Variants in ORAI2 observed in about 807,000 individuals in gnomAD.
ORAI2 encodes protein orai-2.
Under a neutral mutation model 16.2 loss-of-function variants are expected in ORAI2, and 10 were observed. The ratio of observed to expected loss-of-function variants is 0.62; its 90% confidence interval spans 0.38 to 1.04. The LOEUF (loss-of-function observed/expected upper bound fraction) is 1.04, where lower values mean the gene tolerates loss of function less well. ORAI2 is among the 50% of genes least tolerant of loss of function. ORAI2 has a pLI of 0.01. For synonymous variants in ORAI2, 150 were observed against 157.5 expected, an observed-to-expected ratio of 0.95 and a Z score of 0.35; for missense variants, 238 against 355.5, an observed-to-expected ratio of 0.67 and a Z score of 2.66.
Position 102,433,947 on chromosome 7 carries a change from C to A in ORAI2, c.-123+286C>A, listed in dbSNP as rs1796991156. Among the ~76,000 whole-genome samples the A allele has an allele frequency of 6.6e-6, 1 of 151,878 alleles. No individual in the cohort carries two copies. Among genetic ancestry groups the A allele is most frequent in the East Asian group, 1.9e-4 (1 of 5,142 alleles). Reference sequence around the variant, plus strand: ...CCCTGGGAGGCCCCCTCCCAGTGCGCCTGCTGGAGAGAGACACTCGCCATT... The same window carrying A: ...CCCTGGGAGGCCCCCTCCCAGTGCGACTGCTGGAGAGAGACACTCGCCATT... On this transcript the variant is annotated intron_variant, in intron 1 of 3. Coordinates refer to ENST00000495936, the MANE Select transcript of ORAI2 (RefSeq NM_001126340.3). The surrounding 1 kb of genome is among the most constrained non-coding windows in gnomAD (Gnocchi z 4.6).
chr7:102,446,329 A>C (rs1797360529), intron 3 of ORAI2, among the ~76,000 whole-genome samples, 184 bp from the exon 4 acceptor site: 1 of 152,266 alleles, frequency 6.6e-6, no homozygotes, highest in South Asian at 2.1e-4. Flanking sequence ...ACATTTGATC[A>C]GTGAGGAGGT....
chr7:102,445,885 CTTTCTTTCTCTCTTTCTCTT>C (rs1211898075), intron 3 of ORAI2, among the ~76,000 whole-genome samples: 4 of 150,112 alleles, frequency 2.7e-5, no homozygotes, highest in African/African-American at 9.8e-5. Flanking sequence ...CTTTCTCTCT[CTTTCTTTCTCTCTTTCTCTT>C]TCTCTCTCTT....
rs1035020347 is a variant in ORAI2, at chr7:102,449,972, A to C, written c.*2920A>C. ...AACTCTGTGTCTACTAAAAATACAAAAAATTAGCTGGGTGTGGTGGCGCTC... is the reference window on the plus strand; with the variant it reads ...AACTCTGTGTCTACTAAAAATACAACAAATTAGCTGGGTGTGGTGGCGCTC... On this transcript the variant is annotated 3_prime_UTR_variant, in exon 4 of 4. Coordinates refer to ENST00000495936, the MANE Select transcript of ORAI2 (RefSeq NM_001126340.3). The C allele has an allele frequency of 6.8e-6, 1 of 146,764 alleles. No individual in the cohort carries two copies. The highest frequency in any genetic ancestry group is 6.8e-5 in the Admixed American group (1 of 14,718). 9.1% of individuals were successfully genotyped at this position (146,764 alleles called of 1,614,324 possible).
intron 3 of ORAI2, among the ~76,000 whole-genome samples, chr7:102,445,298 T>TTG (rs202181004): frequency 0.018 from 1,451 of 81,396 alleles, 22 homozygotes; most frequent in African/African-American, 0.059. Context: ...CCGTTTTTTG[T>TTG]TTTTTTTTTT....
Position 102,456,029 on chromosome 7 carries a change from C to G in ORAI2, c.*8977C>G, listed in dbSNP as rs1797636453. ...CTTTCCTGTTCCCCTGGATTTAGTT[C>G]CCAGCAGGTGGTGAGGAACTGAACA... On this transcript the variant is annotated 3_prime_UTR_variant, in exon 4 of 4. Transcript: ENST00000495936. 1 of 153,468 alleles carries G rather than the reference C, an allele frequency of 6.5e-6. No individual in the cohort carries two copies. Among genetic ancestry groups the G allele is most frequent in the Admixed American group, 6.5e-5 (1 of 15,278 alleles). The allele number at this position is 153,468 out of a possible 1,614,324, so 9.5% of individuals were successfully genotyped here.
In ORAI2 at chr7:102,449,467, G is replaced by C. The variant is rs1347671557; in HGVS notation, c.*2415G>C. 1 of 152,166 alleles carries C rather than the reference G, an allele frequency of 6.6e-6. No individual in the cohort carries two copies. The highest frequency in any genetic ancestry group is 1.5e-5 in the Non-Finnish European group (1 of 68,044). The allele number at this position is 152,166 out of a possible 1,614,324, so 9.4% of individuals were successfully genotyped here. A position where few individuals can be genotyped will look rare whatever the true frequency, so the allele number is the denominator to read the frequency against. On this transcript the variant is annotated 3_prime_UTR_variant, in exon 4 of 4. Coordinates refer to ENST00000495936, the MANE Select transcript of ORAI2 (RefSeq NM_001126340.3). ...CGCCCGTAATCTTAGCACTCTGGGAGGCCGAGGCAGGCAGATCACTTGAGA... is the reference window on the plus strand; with the variant it reads ...CGCCCGTAATCTTAGCACTCTGGGACGCCGAGGCAGGCAGATCACTTGAGA...
At chr7:102,442,897 G>C (rs1453205028) in intron 3 of ORAI2, among the ~76,000 whole-genome samples, 1 of 150,560 alleles carries the variant, frequency 6.6e-6, no homozygotes, top group Non-Finnish European at 1.5e-5. Flanking sequence ...GCGCATGCCT[G>C]TAGTCCCAGC....
At chr7:102,446,372 G>A (rs1797362114) in intron 3 of ORAI2, 141 bp from the exon 4 acceptor site, 1 of 770,160 alleles carries the variant, frequency 1.3e-6, no homozygotes, top group South Asian at 1.8e-5. Flanking sequence ...CAGAACATGG[G>A]TGAGTCCTGC....
At chr7:102,438,844 C>T in intron 2 of ORAI2, 100 bp from the exon 3 acceptor site, 1 of 1,071,330 alleles carries the variant, frequency 9.3e-7, no homozygotes, top group Non-Finnish European at 1.4e-6. Flanking sequence ...CTGGCGTGGG[C>T]TGTATATGGC....
rs1188954926 is a variant in ORAI2, at chr7:102,446,879, C to G, written c.592C>G (p.Leu198Val). ...GAGTCACACGGGCTGGCAGGCCGCC[C>G]TGGTGTCCACCATCATCATGGTGCC... ...PGSHTGWQAA[L>V]VSTIIMVPVG... Residue 198 changes from leucine to valine, a missense_variant, in exon 4 of 4, where the codon CTG (leucine) becomes GTG (valine). Transcript: ENST00000495936. The G allele has an allele frequency of 6.2e-7, 1 of 1,613,414 alleles. No individual in the cohort carries two copies. The highest frequency in any genetic ancestry group is 1.7e-5 in the Admixed American group (1 of 59,992).
chr7:102,452,948 C>T lies in ORAI2; in HGVS notation c.*5896C>T, dbSNP rs1349713236. The T allele has an allele frequency of 1.3e-5, 2 of 151,108 alleles. No individual in the cohort carries two copies. The highest frequency in any genetic ancestry group is 4.9e-5 in the African/African-American group (2 of 40,864). 9.4% of individuals were successfully genotyped at this position (151,108 alleles called of 1,614,324 possible). A position where few individuals can be genotyped will look rare whatever the true frequency, so the allele number is the denominator to read the frequency against. ...CCAAGCTGGGACTACAGGCATGCACCACCACCATGCCCTGCTAATTTTTGT... is the reference window on the plus strand; with the variant it reads ...CCAAGCTGGGACTACAGGCATGCACTACCACCATGCCCTGCTAATTTTTGT... On this transcript the variant is annotated 3_prime_UTR_variant, in exon 4 of 4. Transcript: ENST00000495936.
At position 102,439,097 on chromosome 7, in the gene ORAI2, C is replaced by T. The variant is rs752545955; in HGVS notation, c.141C>T (p.Ala47=). The T allele has an allele frequency of 8.1e-6, 13 of 1,613,956 alleles. No individual in the cohort carries two copies. The highest frequency in any genetic ancestry group is 4.5e-5 in the East Asian group (2 of 44,900). ...LVTSNHHSVQ[A]LSWRKLYLSR... Reference sequence around the variant, plus strand: ...CCTCTAACCACCACTCGGTACAGGCCCTGTCGTGGCGGAAGCTCTACCTGA... The same window carrying T: ...CCTCTAACCACCACTCGGTACAGGCTCTGTCGTGGCGGAAGCTCTACCTGA... Residue 47 remains alanine, a synonymous_variant, in exon 3 of 4, where the codon GCC becomes GCT. Transcript: ENST00000495936.
rs577257302 is a variant in ORAI2, at chr7:102,453,389, C to T, written c.*6337C>T. The T allele has an allele frequency of 1.3e-5, 2 of 152,306 alleles. No individual in the cohort carries two copies. Among genetic ancestry groups the T allele is most frequent in the East Asian group, 1.9e-4 (1 of 5,168 alleles). The allele number at this position is 152,306 out of a possible 1,614,324, so 9.4% of individuals were successfully genotyped here. A position where few individuals can be genotyped will look rare whatever the true frequency, so the allele number is the denominator to read the frequency against. ...GCCTCCTAAAGTGCTGGATTACAGG[C>T]ATGAGCCACCGTGCCAGGCCTTGTT... On this transcript the variant is annotated 3_prime_UTR_variant, in exon 4 of 4. Transcript: ENST00000495936.
chr7:102,444,630 A>G lies in ORAI2; in HGVS notation c.226-1883A>G, dbSNP rs923338824. The stretch of plus-strand genomic sequence containing the variant: ...CTTAGGTCTAGGAGGGAAACAGTGG[A>G]AACAGTGGGTAGAAGAACCTTCCCC... On this transcript the variant is annotated intron_variant, in intron 3 of 3. Transcript: ENST00000495936. Among the ~76,000 whole-genome samples the G allele has an allele frequency of 4.0e-5, 6 of 148,894 alleles. No individual in the cohort carries two copies. The Admixed American group carries it at 4.1e-4, about 10-fold the overall frequency.
intron 3 of ORAI2, among the ~76,000 whole-genome samples, chr7:102,443,301 A>C (rs1481487889): frequency 4.2e-5 from 6 of 143,682 alleles, no homozygotes; most frequent in African/African-American, 1.3e-4. Context: ...TTGAGACGGA[A>C]TCTTGCGCTG....
chr7:102,435,663 C>A (rs1797042057), intron 1 of ORAI2, among the ~76,000 whole-genome samples: 1 of 150,276 alleles, frequency 6.7e-6, no homozygotes, highest in African/African-American at 2.5e-5. Flanking sequence ...AAGACAGAGT[C>A]TCACTGTGTC....
chr7:102,440,333 G>A (rs141948606), intron 3 of ORAI2, among the ~76,000 whole-genome samples: 3 of 152,102 alleles, frequency 2.0e-5, no homozygotes, highest in African/African-American at 7.2e-5. Flanking sequence ...GGCTCCCAGC[G>A]GCCGCCTTCC....
chr7:102,446,709 G>T lies in ORAI2; in HGVS notation c.422G>T (p.Arg141Leu). Residue 141 changes from arginine to leucine, a missense_variant, in exon 4 of 4, where the codon CGC (arginine) becomes CTC (leucine). Physicochemically the swap from Arg to Leu is moderately radical, Grantham distance 102 (BLOSUM62 -2). Transcript: ENST00000495936. ...LNSISESPHE[R>L]MHPYIELAWG... ...TCCATCAGCGAGTCCCCGCATGAGCGCATGCACCCCTACATCGAGCTGGCC... is the reference window on the plus strand; with the variant it reads ...TCCATCAGCGAGTCCCCGCATGAGCTCATGCACCCCTACATCGAGCTGGCC... 6.2e-7 allele frequency: 1 copy of T among 1,614,198 alleles called. No homozygotes were observed. Among genetic ancestry groups the T allele is most frequent in the Non-Finnish European group, 8.5e-7 (1 of 1,180,034 alleles).
At chr7:102,434,452 C>T (rs1172209399) in intron 1 of ORAI2, among the ~76,000 whole-genome samples, 2 of 152,354 alleles carry the variant, frequency 1.3e-5, no homozygotes, top group African/African-American at 4.8e-5. Context: ...TGCAGGGCCT[C>T]ACCGATGGGG....
Sources: allele counts gnomAD v4.1 joint callset (sites outside exome capture counted in the v4.1 genomes callset), GRCh38; gene constraint gnomAD v4.1.1; non-coding constraint Gnocchi (gnomAD v3.1); transcripts MANE v1.5; gene names NCBI Gene and HGNC (gene_info 2026-07-23, HGNC 2026-07-21).